The following CATSPER3 variants were observed in gnomAD, a reference collection of about 807,000 sequenced individuals.
CATSPER3 encodes cation channel sperm associated 3.
Under a neutral mutation model 36.6 loss-of-function variants are expected in CATSPER3, and 23 were observed. The ratio of observed to expected loss-of-function variants is 0.63; its 90% CI spans 0.45 to 0.89. The LOEUF is 0.89. Among genes scored for constraint, CATSPER3 ranks in the 40% least tolerant of loss-of-function variants. The pLI, the probability that CATSPER3 is intolerant of heterozygous loss-of-function variation, is 0.00. For missense variants in CATSPER3, 474 were observed against 503.9 expected (o/e 0.94, Z 0.57); for synonymous variants, 172 against 184.1 (o/e 0.93, Z 0.53).
intron 2 of CATSPER3, among the ~76,000 whole-genome samples, chr5:134,981,226 C>T (rs948145876): frequency 2.0e-5 from 3 of 152,016 alleles, no homozygotes; most frequent in African/African-American, 7.3e-5. Flanking sequence ...CACAGTGGCT[C>T]ATGTCTGTAG....
chr5:134,981,989 G>A (rs1344761357), intron 2 of CATSPER3, among the ~76,000 whole-genome samples: 1 of 152,106 alleles, frequency 6.6e-6, no homozygotes, highest in Non-Finnish European at 1.5e-5. Flanking sequence ...AATTAGCCAG[G>A]CTTGATGGCA....
At chr5:134,990,219 C>A (rs145496088) in intron 2 of CATSPER3, among the ~76,000 whole-genome samples, 1 of 152,114 alleles carries the variant, frequency 6.6e-6, no homozygotes, top group Non-Finnish European at 1.5e-5. Flanking sequence ...GAGGTCCTGA[C>A]GACTTGTGCC....
intron 2 of CATSPER3, among the ~76,000 whole-genome samples, chr5:134,983,476 G>T (rs752369008): frequency 1.4e-4 from 21 of 152,132 alleles, no homozygotes; most frequent in Non-Finnish European, 2.5e-4. Flanking sequence ...GGAGGTTGCA[G>T]TGAGCTGAAA....
intron 2 of CATSPER3, among the ~76,000 whole-genome samples, chr5:134,993,499 T>G (rs1432835756): frequency 6.6e-6 from 1 of 152,120 alleles, no homozygotes; most frequent in Non-Finnish European, 1.5e-5. Context: ...AAAGTCAAAG[T>G]TAGATCACAG....
At chr5:134,993,577 A>T (rs1472102337) in intron 2 of CATSPER3, among the ~76,000 whole-genome samples, 3 of 152,222 alleles carry the variant, frequency 2.0e-5, no homozygotes, top group Non-Finnish European at 4.4e-5. Context: ...CTAAATTAGG[A>T]ATTAAAAAGG....
Position 135,007,977 on chromosome 5 carries a change from G to A in CATSPER3, c.513G>A (p.Gly171=), listed in dbSNP as rs540646289. 2.5e-6 allele frequency: 4 copies of A among 1,614,060 alleles called. No individual in the cohort carries two copies. Among genetic ancestry groups the A allele is most frequent in the Admixed American group, 3.3e-5 (2 of 60,020 alleles). The change falls in exon 4 of 8, where the codon GGG becomes GGA. Residue 171 remains glycine, a synonymous_variant. Transcript: ENST00000282611. ...QGIRTLITAV[G]QTVYTVASVL... is the part of the protein sequence containing the mutation. ...TGCAGACGCTGATCACCGCCGTGGG[G>A]CAGACAGTCTACACCGTGGCCTCTG...
intron 2 of CATSPER3, among the ~76,000 whole-genome samples, chr5:134,986,386 C>T (rs904313444): frequency 6.6e-6 from 1 of 151,718 alleles, no homozygotes; most frequent in Non-Finnish European, 1.5e-5. Flanking sequence ...TCAGGTGATC[C>T]ACTCACCTCG....
At chr5:134,997,869 C>T (rs1013059058) in intron 3 of CATSPER3, among the ~76,000 whole-genome samples, 14 of 152,152 alleles carry the variant, frequency 9.2e-5, no homozygotes, top group African/African-American at 3.4e-4. Context: ...TCACCCCCAT[C>T]CCCAACCTCA....
chr5:135,000,574 A>G (rs1481629070), intron 3 of CATSPER3, among the ~76,000 whole-genome samples: 1 of 152,168 alleles, frequency 6.6e-6, no homozygotes, highest in Non-Finnish European at 1.5e-5. Context: ...TTGGTAGGCT[A>G]TTAATTACTG....
At chr5:135,008,204 G>A in intron 4 of CATSPER3, 65 bp downstream of exon 4, 2 of 1,374,768 alleles carry the variant, frequency 1.5e-6, no homozygotes, top group East Asian at 2.3e-5. Context: ...GGTGGTGCAA[G>A]CGTGTGGACA....
chr5:134,994,592 C>T (rs950294571), intron 2 of CATSPER3, among the ~76,000 whole-genome samples: 3 of 152,204 alleles, frequency 2.0e-5, no homozygotes, highest in African/African-American at 7.2e-5. Flanking sequence ...TACAATAAAA[C>T]ATACAAGAAT....
chr5:134,997,299 A>G (rs1751962100), intron 3 of CATSPER3, among the ~76,000 whole-genome samples: 1 of 152,192 alleles, frequency 6.6e-6, no homozygotes, highest in Non-Finnish European at 1.5e-5. Flanking sequence ...CTGGGTAGAA[A>G]AGAGAAGGGG....
intron 2 of CATSPER3, among the ~76,000 whole-genome samples, chr5:134,971,825 A>T (rs1184834468): frequency 6.6e-6 from 1 of 152,202 alleles, no homozygotes; most frequent in Non-Finnish European, 1.5e-5. Context: ...AAGGAAGAGA[A>T]GGTTCAGATA....
At chr5:134,978,392 C>T (rs1041965050) in intron 2 of CATSPER3, among the ~76,000 whole-genome samples, 5 of 152,026 alleles carry the variant, frequency 3.3e-5, no homozygotes, top group African/African-American at 4.8e-5. Flanking sequence ...GTATATATGT[C>T]TTGAAATATC....
chr5:134,999,851 C>T (rs1426374629), intron 3 of CATSPER3, among the ~76,000 whole-genome samples: 1 of 152,180 alleles, frequency 6.6e-6, no homozygotes, highest in Non-Finnish European at 1.5e-5. Context: ...ATGTCATCTG[C>T]AAACAGGGAC....
At chr5:134,985,851 A>T (rs570283780) in intron 2 of CATSPER3, among the ~76,000 whole-genome samples, 1 of 151,780 alleles carries the variant, frequency 6.6e-6, no homozygotes, top group African/African-American at 2.4e-5. Context: ...GTGAGCCATG[A>T]CTGTGTCACT....
intron 3 of CATSPER3, among the ~76,000 whole-genome samples, 184 bp from the exon 4 acceptor site, chr5:135,007,765 CACTTCATT>C (rs1752108468): frequency 6.6e-6 from 1 of 152,242 alleles, no homozygotes; most frequent in African/African-American, 2.4e-5. Context: ...AGTTCTGATT[CACTTCATT>C]AATTCGTTAG....
At chr5:135,009,008 GGTC>G in intron 5 of CATSPER3, 27 bp downstream of exon 5, 1 of 1,613,918 alleles carries the variant, frequency 6.2e-7, no homozygotes. Context: ...GAGGATCGGA[GGTC>G]AGGGCAGGTG....
intron 2 of CATSPER3, chr5:134,975,425 C>G (rs1751661550): frequency 1.3e-5 from 2 of 153,002 alleles, no homozygotes; most frequent in African/African-American, 4.8e-5. Context: ...TAGTGAGACC[C>G]TGTCTCTGTG....
Sources: allele counts gnomAD v4.1 joint callset (sites outside exome capture counted in the v4.1 genomes callset), GRCh38; gene constraint gnomAD v4.1.1; transcripts MANE v1.5; gene names NCBI Gene and HGNC (gene_info 2026-07-23, HGNC 2026-07-21).